The following COL22A1 variants were observed in gnomAD, a reference collection of about 807,000 sequenced individuals.
COL22A1 encodes the protein collagen alpha-1(XXII) chain.
In COL22A1, 221 loss-of-function variants were observed where a neutral mutation model predicts 248.9. The ratio of observed to expected loss-of-function variants is 0.89; its 90% confidence interval spans 0.80 to 0.99. The LOEUF (loss-of-function observed/expected upper bound fraction) is 0.99. COL22A1 is among the 50% of genes least tolerant of loss of function. COL22A1 has a pLI of 0.00. For missense variants in COL22A1, 2,240 were observed against 2,179.0 expected (o/e 1.03, Z -0.56); for synonymous variants, 891 against 793.4 (o/e 1.12, Z -2.07).
intron 3 of COL22A1, among the ~76,000 whole-genome samples, chr8:138,876,720 C>G (rs751626307): frequency 2.0e-5 from 3 of 152,100 alleles, no homozygotes; most frequent in South Asian, 2.1e-4. Flanking sequence ...GCTCTCATCA[C>G]GAGCACCTTC....
chr8:138,755,962 T>C, intron 18 of COL22A1, 133 bp from the exon 19 acceptor site: 1 of 727,174 alleles, frequency 1.4e-6, no homozygotes, highest in Non-Finnish European at 2.4e-6. Context: ...CATATCTTCG[T>C]CTTGCCCGAG....
At chr8:138,772,933 T>C (rs1019911149) in intron 16 of COL22A1, among the ~76,000 whole-genome samples, 5 of 152,134 alleles carry the variant, frequency 3.3e-5, no homozygotes, top group African/African-American at 1.2e-4. Flanking sequence ...CTTCAATGTT[T>C]CTCCATTAGG....
chr8:138,835,781 C>G (rs560580777), intron 4 of COL22A1, among the ~76,000 whole-genome samples: 63 of 152,286 alleles, frequency 4.1e-4, no homozygotes, highest in African/African-American at 1.5e-3. Flanking sequence ...GAGTACGAGC[C>G]TCAACCTCTC....
intron 47 of COL22A1, among the ~76,000 whole-genome samples, chr8:138,645,432 C>A (rs1303649080): frequency 6.6e-6 from 1 of 152,196 alleles, no homozygotes; most frequent in African/African-American, 2.4e-5. Context: ...TCAAAGTATT[C>A]TTTTTCTTTT....
At chr8:138,643,356 C>T (rs1414345457) in intron 47 of COL22A1, among the ~76,000 whole-genome samples, 1 of 152,212 alleles carries the variant, frequency 6.6e-6, no homozygotes, top group Non-Finnish European at 1.5e-5. Context: ...GTCCACGGGT[C>T]ATGATCGCTA....
intron 41 of COL22A1, among the ~76,000 whole-genome samples, chr8:138,664,203 GCGCGCGCACACACACA>G (rs1278669018): frequency 6.1e-4 from 55 of 90,176 alleles, no homozygotes; most frequent in Non-Finnish European, 1.1e-3. Flanking sequence ...GTGCGCGCGC[GCGCGCGCACACACACA>G]CACACACACA....
chr8:138,751,604 T>G, intron 21 of COL22A1, 93 bp from the exon 22 acceptor site: 1 of 838,076 alleles, frequency 1.2e-6, no homozygotes, highest in South Asian at 1.7e-5. Context: ...CTCACCCTCA[T>G]TGAATAGTGT....
intron 3 of COL22A1, among the ~76,000 whole-genome samples, chr8:138,856,681 G>A (rs1265448389): frequency 1.3e-5 from 2 of 152,024 alleles, no homozygotes; most frequent in Non-Finnish European, 2.9e-5. Flanking sequence ...AGACAGGAGA[G>A]ACAGCAAGAG....
At chr8:138,767,774 T>C (rs554947736) in intron 16 of COL22A1, among the ~76,000 whole-genome samples, 6 of 152,252 alleles carry the variant, frequency 3.9e-5, no homozygotes, top group Non-Finnish European at 7.4e-5. Flanking sequence ...GCTGCGGTTC[T>C]GAGTTGCTGA....
At chr8:138,808,293 A>G (rs765175909) in intron 9 of COL22A1, among the ~76,000 whole-genome samples, 1 of 152,224 alleles carries the variant, frequency 6.6e-6, no homozygotes, top group African/African-American at 2.4e-5. Flanking sequence ...CATTGTATAC[A>G]TGTATTATGA....
At chr8:138,775,336 G>A (rs548610754) in intron 16 of COL22A1, among the ~76,000 whole-genome samples, 19 of 152,278 alleles carry the variant, frequency 1.2e-4, no homozygotes, top group South Asian at 2.1e-4. Flanking sequence ...ACCATGAACC[G>A]GCAACAATGT....
intron 60 of COL22A1, among the ~76,000 whole-genome samples, chr8:138,600,285 C>T (rs570563458): frequency 2.0e-5 from 3 of 152,236 alleles, no homozygotes; most frequent in East Asian, 3.9e-4. Context: ...TGGGATGTAG[C>T]TGAGAAAGGG....
chr8:138,811,703 G>T (rs903657356), intron 9 of COL22A1, 96 bp downstream of exon 9: 1 of 1,451,454 alleles, frequency 6.9e-7, no homozygotes, highest in Non-Finnish European at 9.7e-7. Context: ...GGGCCTCCTG[G>T]TGCCCCCCTG....
At chr8:138,723,622 A>G (rs1301446913) in intron 25 of COL22A1, among the ~76,000 whole-genome samples, 1 of 152,170 alleles carries the variant, frequency 6.6e-6, no homozygotes, top group African/African-American at 2.4e-5. Flanking sequence ...TCACTCATGG[A>G]AAATGTTTAT....
intron 22 of COL22A1, among the ~76,000 whole-genome samples, chr8:138,749,826 TTGAC>T (rs774133576): frequency 2.0e-5 from 3 of 152,100 alleles, no homozygotes; most frequent in Non-Finnish European, 4.4e-5. Flanking sequence ...ACTGCCTCAC[TTGAC>T]TGACAGGGAA....
chr8:138,694,010 C>A (rs988050382), intron 34 of COL22A1, among the ~76,000 whole-genome samples: 5 of 152,158 alleles, frequency 3.3e-5, no homozygotes, highest in African/African-American at 1.2e-4. Context: ...CCAGCAGGAT[C>A]TCCTACCATA....
At chr8:138,731,665 T>G (rs3862309) in intron 23 of COL22A1, among the ~76,000 whole-genome samples, 4 of 150,544 alleles carry the variant, frequency 2.7e-5, no homozygotes, top group Non-Finnish European at 5.9e-5. Context: ...AGAGAGAGAG[T>G]GAGTTCTGGG....
chr8:138,886,094 G>C lies in COL22A1; in HGVS notation c.-72-2850C>G, dbSNP rs184754250. On this transcript the variant is annotated intron_variant, in intron 1 of 64. Coordinates refer to ENST00000303045, the MANE Select transcript of COL22A1 (RefSeq NM_152888.3). Reference sequence around the variant, plus strand: ...GCTGATATCTGGATGCTTACATCTGGAGAAATTATTCCCCGTATCACCTTC... The same window carrying C: ...GCTGATATCTGGATGCTTACATCTGCAGAAATTATTCCCCGTATCACCTTC... Among the ~76,000 whole-genome samples, 13 of 152,292 alleles carry C rather than the reference G, an allele frequency of 8.5e-5. No individual in the cohort carries two copies. The East Asian group carries it at 2.5e-3, about 29-fold the overall frequency.
chr8:138,792,794 C>G (rs1816180779), intron 12 of COL22A1, among the ~76,000 whole-genome samples: 1 of 152,178 alleles, frequency 6.6e-6, no homozygotes, highest in Non-Finnish European at 1.5e-5. Context: ...CAAGGTCACT[C>G]CCCTTGTCTA....
Sources: allele counts gnomAD v4.1 joint callset (sites outside exome capture counted in the v4.1 genomes callset), GRCh38; gene constraint gnomAD v4.1.1; transcripts MANE v1.5; gene names NCBI Gene and HGNC (gene_info 2026-07-23, HGNC 2026-07-21).